TMEM163: variants seen among roughly 807,000 people sequenced by gnomAD.
TMEM163 encodes transmembrane protein 163.
TMEM163 carries 17 observed loss-of-function variants against 29.3 expected under a neutral mutation model. The ratio of observed to expected loss-of-function variants is 0.58; its 90% CI spans 0.40 to 0.87. The LOEUF (loss-of-function observed/expected upper bound fraction) is 0.87, where lower values mean the gene tolerates loss of function less well. Among genes scored for constraint, TMEM163 ranks in the 40% least tolerant of loss-of-function variants. TMEM163 has a pLI of 0.00. For synonymous variants in TMEM163, 157 were observed against 160.6 expected (o/e 0.98, Z 0.17); for missense variants, 303 against 381.5 (o/e 0.79, Z 1.71).
At chr2:134,553,442 T>C (rs1458809440) in intron 2 of TMEM163, among the ~76,000 whole-genome samples, 1 of 152,186 alleles carries the variant, frequency 6.6e-6, no homozygotes, top group Non-Finnish European at 1.5e-5. Context: ...GAGAGTCTAG[T>C]TGGTCAATCT....
intron 2 of TMEM163, among the ~76,000 whole-genome samples, chr2:134,659,706 G>T (rs1683705481): frequency 6.6e-6 from 1 of 152,158 alleles, no homozygotes; most frequent in Admixed American, 6.5e-5. Context: ...TCAACAAAGG[G>T]CCAGGCACAG....
At chr2:134,608,855 G>C (rs574608451) in intron 2 of TMEM163, among the ~76,000 whole-genome samples, 1 of 49,154 alleles carries the variant, frequency 2.0e-5, no homozygotes, top group African/African-American at 1.3e-4. Flanking sequence ...CCCGAGAACT[G>C]TGCTGGTGAA....
intron 5 of TMEM163, among the ~76,000 whole-genome samples, chr2:134,485,462 G>A (rs1679286183): frequency 6.6e-6 from 1 of 152,190 alleles, no homozygotes; most frequent in Admixed American, 6.5e-5. Context: ...ATTACAAGGA[G>A]TCGGCTTGTA....
intron 5 of TMEM163, among the ~76,000 whole-genome samples, chr2:134,497,511 G>A (rs1679597560): frequency 6.6e-6 from 1 of 152,208 alleles, no homozygotes; most frequent in African/African-American, 2.4e-5. Context: ...CCACTAATGA[G>A]CTGGTCATTG....
intron 4 of TMEM163, among the ~76,000 whole-genome samples, chr2:134,520,296 G>A (rs558038743): frequency 1.4e-3 from 220 of 152,260 alleles, no homozygotes; most frequent in African/African-American, 5.0e-3. Context: ...GAAGTCCACC[G>A]CAATGCCCTA....
At chr2:134,655,611 G>T (rs1307360674) in intron 2 of TMEM163, among the ~76,000 whole-genome samples, 2 of 141,562 alleles carry the variant, frequency 1.4e-5, no homozygotes, top group Admixed American at 1.4e-4. Flanking sequence ...TCCTTTGGAG[G>T]AGGAGAGGCG....
intron 5 of TMEM163, among the ~76,000 whole-genome samples, chr2:134,482,860 G>T (rs576177459): frequency 6.6e-6 from 1 of 152,318 alleles, no homozygotes; most frequent in East Asian, 1.9e-4. Context: ...CAGCCAGAAA[G>T]TTCCCCAGCC....
intron 2 of TMEM163, among the ~76,000 whole-genome samples, chr2:134,696,402 A>G (rs990317044): frequency 1.3e-5 from 2 of 152,280 alleles, no homozygotes; most frequent in East Asian, 3.9e-4. Flanking sequence ...TTATTCCTCC[A>G]TCAACATTTC....
At chr2:134,570,827 G>T (rs1287426864) in intron 2 of TMEM163, among the ~76,000 whole-genome samples, 1 of 152,164 alleles carries the variant, frequency 6.6e-6, no homozygotes, top group Non-Finnish European at 1.5e-5. Context: ...TAGAGAACCA[G>T]CCCAAGAATG....
intron 4 of TMEM163, among the ~76,000 whole-genome samples, chr2:134,508,492 TCTCC>T (rs1323229880): frequency 6.6e-6 from 1 of 152,164 alleles, no homozygotes; most frequent in African/African-American, 2.4e-5. Flanking sequence ...GCCCTCTTTC[TCTCC>T]GTGTGTTCTG....
At chr2:134,635,830 T>C (rs995061596) in intron 2 of TMEM163, among the ~76,000 whole-genome samples, 2 of 151,540 alleles carry the variant, frequency 1.3e-5, no homozygotes, top group African/African-American at 4.9e-5. Flanking sequence ...TGGAAAAGAG[T>C]GTTCCAAGTG....
chr2:134,702,094 G>T (rs2104892677), intron 2 of TMEM163, among the ~76,000 whole-genome samples: 1 of 152,096 alleles, frequency 6.6e-6, no homozygotes, highest in Non-Finnish European at 1.5e-5. Flanking sequence ...TTTAAAACTG[G>T]AATCCACCAA....
chr2:134,571,647 C>G (rs183917884), intron 2 of TMEM163, among the ~76,000 whole-genome samples: 1 of 152,232 alleles, frequency 6.6e-6, no homozygotes, highest in Non-Finnish European at 1.5e-5. Flanking sequence ...GGATATAAAG[C>G]TAAATCGGCA....
intron 2 of TMEM163, among the ~76,000 whole-genome samples, chr2:134,680,405 T>C (rs1388461410): frequency 6.6e-6 from 1 of 150,626 alleles, no homozygotes; most frequent in Admixed American, 6.6e-5. Context: ...TGAGGCGAGA[T>C]CGCACCACTG....
intron 2 of TMEM163, among the ~76,000 whole-genome samples, chr2:134,673,048 G>A (rs1684026495): frequency 6.6e-6 from 1 of 152,116 alleles, no homozygotes. Flanking sequence ...ACCCACAGCT[G>A]CAACATTGAA....
At chr2:134,688,094 G>A (rs1010417416) in intron 2 of TMEM163, among the ~76,000 whole-genome samples, 7 of 152,120 alleles carry the variant, frequency 4.6e-5, no homozygotes, top group African/African-American at 7.2e-5. Flanking sequence ...TTCTGGCTGC[G>A]CAGCAAGCTC....
chr2:134,516,786 T>TATATGCATATATATGAATATATAC lies in TMEM163; in HGVS notation c.459-13790_459-13789insGTATATATTCATATATATGCATAT, dbSNP rs1367680952. On this transcript the variant is annotated intron_variant, in intron 4 of 7. Transcript: ENST00000281924. ...ATATATGTGCATATCTATTCATATA[T>TATATGCATATATATGAATATATAC]ATATGCATGTATGTATGAAAGGTAA... Among the ~76,000 whole-genome samples, 59 of 149,662 alleles carry TATATGCATATATATGAATATATAC rather than the reference T, an allele frequency of 3.9e-4. 2 individuals are homozygous for TATATGCATATATATGAATATATAC. The South Asian group carries it at 9.9e-3, about 25-fold the overall frequency.
intron 2 of TMEM163, among the ~76,000 whole-genome samples, chr2:134,585,703 C>G (rs1039273967): frequency 2.0e-5 from 3 of 150,164 alleles, no homozygotes; most frequent in Non-Finnish European, 2.9e-5. Flanking sequence ...GATCGCGCCA[C>G]TGCACTCCAG....
At chr2:134,653,857 T>C (rs1461429619) in intron 2 of TMEM163, among the ~76,000 whole-genome samples, 2 of 125,644 alleles carry the variant, frequency 1.6e-5, no homozygotes, top group African/African-American at 7.6e-5. Context: ...TTGAGCAGCT[T>C]TGAGTGAGAT....
Sources: gnomAD v4.1 joint callset for allele counts (sites outside exome capture counted in the v4.1 genomes callset) on GRCh38, gnomAD v4.1.1 for gene constraint, MANE v1.5 for transcripts, NCBI Gene and HGNC (gene_info 2026-07-23, HGNC 2026-07-21) for gene names.